Variants in DPH6 observed in about 807,000 individuals in gnomAD.
DPH6 encodes the protein diphthine--ammonia ligase.
Under a neutral mutation model 38.2 loss-of-function variants are expected in DPH6, and 33 were observed. The observed-to-expected ratio is 0.86, with a 90% confidence interval of 0.65 to 1.15. DPH6 has a LOEUF of 1.15. DPH6 is among the 50% of genes most tolerant of loss of function. The probability of loss-of-function intolerance (pLI) is 0.00; values close to 1 mark genes in which losing one functional copy is unlikely to be tolerated. For synonymous variants in DPH6, 108 were observed against 103.0 expected (o/e 1.05, Z -0.30); for missense variants, 325 against 320.0 (o/e 1.02, Z -0.12).
chr15:35,309,950 A>G (rs1053540411), intron 3 of DPH6, among the ~76,000 whole-genome samples: 4 of 152,208 alleles, frequency 2.6e-5, no homozygotes, highest in Admixed American at 2.0e-4. Context: ...TGTCAGTAGC[A>G]CTTTTCTTAT....
chr15:35,438,463 G>C (rs1223623064), intron 5 of DPH6, among the ~76,000 whole-genome samples: 1 of 152,174 alleles, frequency 6.6e-6, no homozygotes, highest in Admixed American at 6.5e-5. Context: ...AGAGGCGGAT[G>C]AATCTTTCTC....
intron 3 of DPH6, among the ~76,000 whole-genome samples, chr15:35,455,297 G>A (rs1367082006): frequency 1.3e-5 from 2 of 152,142 alleles, no homozygotes; most frequent in Non-Finnish European, 2.9e-5. Context: ...AGAAAGCAGA[G>A]ATGGTAGAGG....
At chr15:35,251,720 CA>C (rs201817479) in intron 3 of DPH6, among the ~76,000 whole-genome samples, 1 of 152,224 alleles carries the variant, frequency 6.6e-6, no homozygotes, top group African/African-American at 2.4e-5. Context: ...CATAAAATCT[CA>C]AACTCTAACC....
At chr15:35,210,400 CATT>C in the DPH6 span, among the ~76,000 whole-genome samples, 3 of 152,200 alleles carry the variant, frequency 2.0e-5, no homozygotes, top group Non-Finnish European at 2.9e-5. Context: ...TATTAGCCAT[CATT>C]ATTATTTCTG....
chr15:35,545,410 T>C (rs1179863557), intron 1 of DPH6, among the ~76,000 whole-genome samples: 2 of 152,184 alleles, frequency 1.3e-5, no homozygotes, highest in Non-Finnish European at 2.9e-5. Context: ...ATACGGAGTA[T>C]AGGGTAAGGT....
chr15:35,355,521 A>G (rs530666566), intron 3 of DPH6, among the ~76,000 whole-genome samples: 3 of 152,168 alleles, frequency 2.0e-5, no homozygotes, highest in South Asian at 4.1e-4. Flanking sequence ...TCTGTAAAGG[A>G]TTTTATTTCT....
At chr15:35,345,054 A>T (rs552331442) in intron 3 of DPH6, among the ~76,000 whole-genome samples, 2 of 151,980 alleles carry the variant, frequency 1.3e-5, no homozygotes, top group South Asian at 2.1e-4. Flanking sequence ...ATATGGAAAA[A>T]ATAAAATCAG....
intron 3 of DPH6, among the ~76,000 whole-genome samples, chr15:35,333,238 T>C (rs532969953): frequency 2.6e-4 from 39 of 152,310 alleles, no homozygotes; most frequent in African/African-American, 9.4e-4. Context: ...TGATGCAATG[T>C]GGCCAATGAC....
chr15:35,472,328 T>C (rs1035661441), intron 3 of DPH6, among the ~76,000 whole-genome samples: 4 of 152,214 alleles, frequency 2.6e-5, no homozygotes, highest in Non-Finnish European at 5.9e-5. Context: ...AAGAGTTTAC[T>C]GGAACCCAGG....
At chr15:35,341,956 C>T (rs549256216) in intron 3 of DPH6, among the ~76,000 whole-genome samples, 3 of 152,334 alleles carry the variant, frequency 2.0e-5, no homozygotes, top group South Asian at 4.1e-4. Flanking sequence ...CCAAAGCCAG[C>T]AGGCTGGAAT....
intron 2 of DPH6, among the ~76,000 whole-genome samples, chr15:35,540,346 C>T (rs1181263981): frequency 6.6e-6 from 1 of 152,048 alleles, no homozygotes; most frequent in Non-Finnish European, 1.5e-5. Context: ...TCGCATTATC[C>T]TCATTGATGG....
At chr15:35,349,822 T>C (rs1304411172) in intron 3 of DPH6, among the ~76,000 whole-genome samples, 2 of 152,184 alleles carry the variant, frequency 1.3e-5, no homozygotes, top group Non-Finnish European at 2.9e-5. Context: ...CTAAAAGTAA[T>C]TGGTGTAACT....
intron 3 of DPH6, among the ~76,000 whole-genome samples, chr15:35,357,751 CTGTTAATCTGA>C (rs1566879526): frequency 6.6e-6 from 1 of 152,218 alleles, no homozygotes; most frequent in African/African-American, 2.4e-5. Context: ...GAGAAATCTG[CTGTTAATCTGA>C]TAGGTTTATA....
intron 3 of DPH6, among the ~76,000 whole-genome samples, chr15:35,509,643 A>G (rs957968165): frequency 1.3e-5 from 2 of 152,218 alleles, no homozygotes; most frequent in African/African-American, 4.8e-5. Context: ...GTACACAGAC[A>G]AATAAGATTG....
chr15:35,534,377 CAAAAAAA>C, intron 3 of DPH6, among the ~76,000 whole-genome samples: 1 of 104,220 alleles, frequency 9.6e-6, no homozygotes, highest in African/African-American at 3.6e-5. Context: ...AACTCTGTCT[CAAAAAAA>C]AAAAAAAAAA....
exon 4 of DPH6, chr15:35,330,887 T>C (rs1304909046): frequency 6.6e-6 from 1 of 152,192 alleles, no homozygotes; most frequent in African/African-American, 2.4e-5. Context: ...AACCTGTTAA[T>C]TTATTTTCTG....
intron 5 of DPH6, among the ~76,000 whole-genome samples, chr15:35,441,095 CA>C (rs1450614376): frequency 6.6e-6 from 1 of 152,116 alleles, no homozygotes; most frequent in Non-Finnish European, 1.5e-5. Flanking sequence ...AAATGCAAAT[CA>C]AAACCACAAT....
At chr15:35,349,761 T>C (rs2052494191) in intron 3 of DPH6, among the ~76,000 whole-genome samples, 1 of 152,216 alleles carries the variant, frequency 6.6e-6, no homozygotes, top group Non-Finnish European at 1.5e-5. Flanking sequence ...ATTATTTTGT[T>C]AATGTGATGT....
chr15:35,184,538 T>C, the DPH6 span, among the ~76,000 whole-genome samples: 6 of 152,116 alleles, frequency 3.9e-5, no homozygotes, highest in Non-Finnish European at 7.4e-5. Context: ...AGTGAAGACG[T>C]TGACCTAAAA....
Sources: gnomAD v4.1 joint callset for allele counts (sites outside exome capture counted in the v4.1 genomes callset) on GRCh38, gnomAD v4.1.1 for gene constraint, MANE v1.5 for transcripts, NCBI Gene and HGNC (gene_info 2026-07-23, HGNC 2026-07-21) for gene names.